PPP2R5B: variants seen among roughly 807,000 people sequenced by gnomAD.
PPP2R5B encodes the protein serine/threonine-protein phosphatase 2A 56 kDa regulatory subunit beta isoform.
PPP2R5B carries 19 observed loss-of-function variants against 59.9 expected under a neutral mutation model. That is an observed-to-expected ratio of 0.32 (90% CI 0.22 to 0.47). The LOEUF is 0.47. Ranked by LOEUF, PPP2R5B falls within the 20% of genes least tolerant of loss-of-function variation. The probability of loss-of-function intolerance (pLI) is 1.00; values close to 1 mark genes in which losing one functional copy is unlikely to be tolerated. For synonymous variants in PPP2R5B, 286 were observed against 260.5 expected, an observed-to-expected ratio of 1.10 and a Z score of -0.94; for missense variants, 441 against 640.2, an observed-to-expected ratio of 0.69 and a Z score of 3.36.
intron 3 of PPP2R5B, 137 bp downstream of exon 3, chr11:64,927,045 A>G: frequency 4.0e-6 from 4 of 1,006,824 alleles, no homozygotes; most frequent in Non-Finnish European, 5.7e-6. Context: ...CTTCCCCCCG[A>G]CCTGCTGCTG....
upstream of PPP2R5B, chr11:64,924,063 ACCT>A (rs369180351): frequency 1.7e-3 from 255 of 151,352 alleles, no homozygotes; most frequent in African/African-American, 6.0e-3. Context: ...CAAGGAGAAA[ACCT>A]CCTCCTCTCG....
chr11:64,919,136 C>T (rs997581819), intron 1 of PPP2R5B, among the ~76,000 whole-genome samples: 3 of 151,930 alleles, frequency 2.0e-5, no homozygotes, highest in East Asian at 2.0e-4. Context: ...GTCAGGAAAT[C>T]GAGACCACCC....
chr11:64,931,337 G>A lies in PPP2R5B; in HGVS notation c.892-99G>A. 3.1e-6 allele frequency: 4 copies of A among 1,302,580 alleles called. No individual in the cohort carries two copies. Among genetic ancestry groups the A allele is most frequent in the Non-Finnish European group, 4.4e-6 (4 of 915,658 alleles). 80.7% of individuals were successfully genotyped at this position (1,302,580 alleles called of 1,614,324 possible). On this transcript the variant is annotated intron_variant, in intron 8 of 13. Transcript: ENST00000164133. This position sits in a 1 kb window ranked among gnomAD's most constrained non-coding sequence, Gnocchi z 5.0. The stretch of plus-strand genomic sequence containing the variant: ...GGTGAATAAGAAAGTAACAGGCCGT[G>A]GGTGAGCAGTATTTGGCATTCTGTC...
Position 64,928,498 on chromosome 11 carries a change from C to T in PPP2R5B, c.722+73C>T, listed in dbSNP as rs992138416. 3.4e-5 allele frequency: 54 copies of T among 1,600,020 alleles called. No homozygotes were observed. The Admixed American group carries it at 8.7e-4, about 26-fold the overall frequency. The stretch of plus-strand genomic sequence containing the variant: ...GCTGTTAGAAGACTGCGGCAAAGGC[C>T]ATGTGCGGTGGCTCACACCTGTAAT... On this transcript the variant is annotated intron_variant, in intron 6 of 13. Transcript: ENST00000164133.
intron 5 of PPP2R5B, 40 bp from the exon 6 acceptor site, chr11:64,928,255 C>T (rs763777335): frequency 6.2e-7 from 1 of 1,611,980 alleles, no homozygotes; most frequent in South Asian, 1.1e-5. Context: ...GTGGACCTTT[C>T]CCCTGACCCT....
In PPP2R5B at chr11:64,933,868, C is replaced by G. The variant is rs757203614; in HGVS notation, c.*24C>G. 5.9e-5 allele frequency: 88 copies of G among 1,500,776 alleles called. No individual in the cohort carries two copies. The highest frequency in any genetic ancestry group is 6.9e-5 in the Non-Finnish European group (77 of 1,123,286). 93.0% of individuals were successfully genotyped at this position (1,500,776 alleles called of 1,614,324 possible). ...AGACAGCACCTCAGAAGGGGAAAAG[C>G]TAAACCCAGAGCTGTCAGTCCCTCT... On this transcript the variant is annotated 3_prime_UTR_variant, in exon 14 of 14. Coordinates refer to ENST00000164133, the MANE Select transcript of PPP2R5B (RefSeq NM_006244.4).
At chr11:64,927,741 A>T in intron 3 of PPP2R5B, 61 bp from the exon 4 acceptor site, 2 of 1,203,926 alleles carry the variant, frequency 1.7e-6, no homozygotes, top group African/African-American at 1.5e-5. Flanking sequence ...TTTGAATGAG[A>T]GACTCCCTGG....
At chr11:64,923,981 C>T (rs951189093), upstream of PPP2R5B, among the ~76,000 whole-genome samples, 6 of 152,178 alleles carry the variant, frequency 3.9e-5, no homozygotes, top group African/African-American at 1.4e-4. Context: ...ACCCACCCAG[C>T]ACATCTTAGG....
Position 64,928,442 on chromosome 11 carries a change from T to C in PPP2R5B, c.722+17T>C, listed in dbSNP as rs1228821239. On this transcript the variant is annotated intron_variant, in intron 6 of 13. Coordinates refer to ENST00000164133, the MANE Select transcript of PPP2R5B (RefSeq NM_006244.4). ...CTTCCTCCGGTGAGTGGCTGCTGCC[T>C]GCCCAGCAGAGACCTGGGGAGGGTG... 1 of 1,613,954 alleles carries C rather than the reference T, an allele frequency of 6.2e-7. No homozygotes were observed. The highest frequency in any genetic ancestry group is 8.5e-7 in the Non-Finnish European group (1 of 1,179,888).
chr11:64,925,852 C>T lies in PPP2R5B; in HGVS notation c.118C>T (p.Arg40Trp), dbSNP rs778284880. The T allele has an allele frequency of 1.2e-5, 19 of 1,611,096 alleles. No individual in the cohort carries two copies. The Admixed American group carries it at 2.0e-4, about 17-fold the overall frequency. ...GFSRRSLRRA[R>W]PRRSHSSSQF... ...CTCCCGCCGTTCCCTCCGCAGAGCC[C>T]GGCCCCGCCGCTCCCACAGCTCCTC... Residue 40 changes from arginine to tryptophan, a missense_variant, in exon 2 of 14, where the codon CGG becomes TGG. By Grantham distance (101) the Arg-to-Trp change is moderately radical. This residue lies in a region of PPP2R5B where 103 missense variants were observed against 87.9 expected (regional missense o/e 1.17). Transcript: ENST00000164133. The surrounding 1 kb of genome is among the most constrained non-coding windows in gnomAD (Gnocchi z 4.6).
intron 6 of PPP2R5B, 120 bp downstream of exon 6, chr11:64,928,545 G>GGTGGGTGGATCACCTTT: frequency 6.8e-7 from 1 of 1,463,466 alleles, no homozygotes; most frequent in Non-Finnish European, 9.3e-7. Flanking sequence ...GGGAGGCCGA[G>GGTGGGTGGATCACCTTT]GTGGGTGGAT....
intron 2 of PPP2R5B, 83 bp downstream of exon 2, chr11:64,926,016 A>C: frequency 1.5e-6 from 2 of 1,371,686 alleles, no homozygotes; most frequent in Non-Finnish European, 2.0e-6. Flanking sequence ...GGCAGCGGGC[A>C]GCTGCCAAGA....
At position 64,931,556 on chromosome 11, in the gene PPP2R5B, C is replaced by T. The variant is rs1945227476; in HGVS notation, c.946-3C>T. 1 of 1,614,108 alleles carries T rather than the reference C, an allele frequency of 6.2e-7. No homozygotes were observed. On this transcript the variant is annotated splice_polypyrimidine_tract_variant and splice_region_variant and intron_variant, in intron 9 of 13. Coordinates refer to ENST00000164133, the MANE Select transcript of PPP2R5B (RefSeq NM_006244.4). This position sits in a 1 kb window ranked among gnomAD's most constrained non-coding sequence, Gnocchi z 5.0. ...GGCGTGACTCCTGTCTCATCTCCCA[C>T]AGGTGATCCGGGGGCTGCTCAAATA...
At chr11:64,930,298 C>T (rs754352194) in intron 6 of PPP2R5B, 24 bp from the exon 7 acceptor site, 1 of 1,613,448 alleles carries the variant, frequency 6.2e-7, no homozygotes, top group Non-Finnish European at 8.5e-7. Context: ...TTGCTTTGAG[C>T]CCACCTGCGT....
Position 64,931,140 on chromosome 11 carries a change from C to CA in PPP2R5B, c.892-293dup, listed in dbSNP as rs1213425398. Among the ~76,000 whole-genome samples the CA allele has an allele frequency of 6.6e-6, 1 of 152,142 alleles. No individual in the cohort carries two copies. The highest frequency in any genetic ancestry group is 1.5e-5 in the Non-Finnish European group (1 of 68,034). On this transcript the variant is annotated intron_variant, in intron 8 of 13. Coordinates refer to ENST00000164133, the MANE Select transcript of PPP2R5B (RefSeq NM_006244.4). The surrounding 1 kb of genome is among the most constrained non-coding windows in gnomAD (Gnocchi z 5.0). The stretch of plus-strand genomic sequence containing the variant: ...AAGTGATTCTGCTGCCTCGGCCTCC[C>CA]AAAGTGCTTGGATTACAGGCGTGAG...
At chr11:64,920,943 C>CTATATATATATATA (rs59230229), upstream of PPP2R5B, among the ~76,000 whole-genome samples, 1,442 of 134,876 alleles carry the variant, frequency 0.011, 20 homozygotes, top group Admixed American at 0.034. Flanking sequence ...TCCAGCAGTT[C>CTATATATATATATA]TATATATATA....
Position 64,925,822 on chromosome 11 carries a change from G to A in PPP2R5B, c.88G>A (p.Gly30Ser), listed in dbSNP as rs768493300. The change falls in exon 2 of 14, where the codon GGC becomes AGC. Residue 30 changes from glycine (G) to serine (S), a missense_variant. Around this residue, in one of 3 missense-constraint regions of PPP2R5B, gnomAD observed 103 missense variants for 87.9 expected, o/e 1.17. Transcript: ENST00000164133. The surrounding 1 kb of genome is among the most constrained non-coding windows in gnomAD (Gnocchi z 4.6). ...SPVPPPDKVD[G>S]FSRRSLRRAR... ...TGTGCCCCCACCCGACAAGGTGGACGGCTTCTCCCGCCGTTCCCTCCGCAG... is the reference window on the plus strand; with the variant it reads ...TGTGCCCCCACCCGACAAGGTGGACAGCTTCTCCCGCCGTTCCCTCCGCAG... 6.9e-6 allele frequency: 11 copies of A among 1,604,634 alleles called. No individual in the cohort carries two copies. Among genetic ancestry groups the A allele is most frequent in the African/African-American group, 4.0e-5 (3 of 74,410 alleles).
rs1456887138 is a variant in PPP2R5B at position 64,925,137 on chromosome 11, CTT to C, written c.-265+110_-265+111del. 2.6e-5 allele frequency: 4 copies of C among 152,838 alleles called. No homozygotes were observed. The highest frequency in any genetic ancestry group is 5.8e-5 in the Non-Finnish European group (4 of 68,470). 9.5% of individuals were successfully genotyped at this position (152,838 alleles called of 1,614,324 possible). A position where few individuals can be genotyped will look rare whatever the true frequency, so the allele number is the denominator to read the frequency against. ...GTGGCATCGGGACAGCACCTCCAGT[CTT>C]GGGGTTGTCCCAAGTGGCCGGGATT... is the stretch of plus-strand genomic sequence containing the variant. On this transcript the variant is annotated intron_variant, in intron 1 of 13. Coordinates refer to ENST00000164133, the MANE Select transcript of PPP2R5B (RefSeq NM_006244.4). This position sits in a 1 kb window ranked among gnomAD's most constrained non-coding sequence, Gnocchi z 4.6.
At chr11:64,930,999 G>A (rs930702131) in intron 8 of PPP2R5B, among the ~76,000 whole-genome samples, 3 of 151,866 alleles carry the variant, frequency 2.0e-5, no homozygotes, top group African/African-American at 4.8e-5. Context: ...TCAGCCTCCC[G>A]AGTAGCTGGG....
Sources: gnomAD v4.1 joint callset for allele counts (sites outside exome capture counted in the v4.1 genomes callset) on GRCh38, gnomAD v4.1.1 for gene constraint, gnomAD v4.1.1 regional missense constraint, Gnocchi (gnomAD v3.1) non-coding constraint, MANE v1.5 for transcripts, NCBI Gene and HGNC (gene_info 2026-07-23, HGNC 2026-07-21) for gene names.